The following ZMYM2 variants were observed in gnomAD, a reference collection of about 807,000 sequenced individuals.
ZMYM2 encodes zinc finger MYM-type containing 2, also known as zinc finger MYM-type protein 2.
Under a neutral mutation model 162.8 loss-of-function variants are expected in ZMYM2, and 56 were observed. That is an observed-to-expected ratio of 0.34 (90% confidence interval 0.28 to 0.43). ZMYM2 has a LOEUF of 0.43. Ranked by LOEUF, ZMYM2 falls within the 20% of genes least tolerant of loss-of-function variation. The pLI is 1.00. For synonymous variants in ZMYM2, 510 were observed against 541.6 expected, an observed-to-expected ratio of 0.94 and a Z score of 0.81; for missense variants, 1,275 against 1,621.8, an observed-to-expected ratio of 0.79 and a Z score of 3.67.
At chr13:19,918,475 T>C in the ZMYM2 span, among the ~76,000 whole-genome samples, 1 of 150,444 alleles carries the variant, frequency 6.6e-6, no homozygotes, top group Non-Finnish European at 1.5e-5. Context: ...AAAAATCCTT[T>C]CTTTTCTTTT....
chr13:20,034,000 TATC>T (rs750511945), intron 10 of ZMYM2, among the ~76,000 whole-genome samples: 12 of 152,328 alleles, frequency 7.9e-5, no homozygotes, highest in Non-Finnish European at 1.3e-4. Context: ...AACACCAGTC[TATC>T]ATCTTATTTA....
chr13:20,032,599 C>CTTTTTTTTTTTTTT (rs57294389), intron 10 of ZMYM2, among the ~76,000 whole-genome samples: 1 of 66,040 alleles, frequency 1.5e-5, no homozygotes, highest in Non-Finnish European at 2.9e-5. Flanking sequence ...TTTTTTCTGT[C>CTTTTTTTTTTTTTT]TTTTTTTTTT....
chr13:19,895,596 A>G, the ZMYM2 span, among the ~76,000 whole-genome samples: 1 of 151,754 alleles, frequency 6.6e-6, no homozygotes, highest in Non-Finnish European at 1.5e-5. Context: ...CCTTCCCATG[A>G]TAACCCGTTA....
Position 19,973,765 on chromosome 13 carries a change from C to T in ZMYM2, c.-11+13739C>T, listed in dbSNP as rs150581469. Reference sequence around the variant, plus strand: ...GGGCAAGCTTGTCCAATCCGCGGCCCGCAGGTCCCGTGCTGCCTAGGAGGT... The same window carrying T: ...GGGCAAGCTTGTCCAATCCGCGGCCTGCAGGTCCCGTGCTGCCTAGGAGGT... On this transcript the variant is annotated intron_variant, in intron 2 of 24. Transcript: ENST00000610343. Among the ~76,000 whole-genome samples the T allele has an allele frequency of 2.9e-3, 438 of 151,896 alleles. 2 individuals carry two copies. Among genetic ancestry groups the T allele is most frequent in the African/African-American group, 0.01 (426 of 41,432 alleles).
intron 2 of ZMYM2, among the ~76,000 whole-genome samples, chr13:19,986,202 CAAACAAACAAACA>C (rs1481982994): frequency 1.4e-5 from 2 of 146,204 alleles, no homozygotes; most frequent in Non-Finnish European, 3.1e-5. Flanking sequence ...CTCAAAAAAA[CAAACAAACAAACA>C]AAACAAACAA....
At chr13:19,992,567 C>T (rs1034821685) in intron 2 of ZMYM2, among the ~76,000 whole-genome samples, 1 of 151,774 alleles carries the variant, frequency 6.6e-6, no homozygotes, top group African/African-American at 2.4e-5. Context: ...CCTTCCCCAC[C>T]CCCCAAAAAA....
Position 20,085,830 on chromosome 13 carries a change from A to T in ZMYM2, c.3950A>T (p.Asn1317Ile), listed in dbSNP as rs750356436. ...TCCTCCCGCCTCCAAAGTCCACAGA[A>T]TCTTAATCAGAGGATGGATGTTTTT... ...FECYLSKSPQ[N>I]LNQRMDVFYL... Residue 1317 changes from asparagine to isoleucine, a missense_variant, in exon 25 of 25, where the codon AAT becomes ATT. Asn to Ile is a moderately radical substitution (Grantham distance 149). Coordinates refer to ENST00000610343, the MANE Select transcript of ZMYM2 (RefSeq NM_197968.4). 2.5e-6 allele frequency: 4 copies of T among 1,605,270 alleles called. No homozygotes were observed. The Admixed American group carries it at 6.9e-5, about 28-fold the overall frequency.
rs761893521 is a variant in ZMYM2, at chr13:20,051,534, T to C, written c.2394T>C (p.Arg798=). 4.6e-5 allele frequency: 74 copies of C among 1,613,502 alleles called. No individual in the cohort carries two copies. Among genetic ancestry groups the C allele is most frequent in the Non-Finnish European group, 4.0e-5 (47 of 1,179,634 alleles). ...TCTGTGATCAACATTGCTTACTGCGTTTCTACTGTCAACAAAATGAGCCCA... is the reference window on the plus strand; with the variant it reads ...TCTGTGATCAACATTGCTTACTGCGCTTCTACTGTCAACAAAATGAGCCCA... ...KHFCDQHCLL[R]FYCQQNEPNM... Residue 798 remains arginine (R), a synonymous_variant, in exon 13 of 25, where the codon CGT becomes CGC. Coordinates refer to ENST00000610343, the MANE Select transcript of ZMYM2 (RefSeq NM_197968.4).
the ZMYM2 span, among the ~76,000 whole-genome samples, chr13:19,870,573 T>TCCTTCCTTCCTTC: frequency 2.2e-5 from 3 of 136,400 alleles, no homozygotes; most frequent in African/African-American, 8.4e-5. Flanking sequence ...CTTCCTTCCT[T>TCCTTCCTTCCTTC]CTTTCCTTTC....
In ZMYM2 at chr13:20,083,012, T is replaced by C; in HGVS notation, c.3800T>C (p.Leu1267Ser). 6.2e-7 allele frequency: 1 copy of C among 1,612,716 alleles called. No individual in the cohort carries two copies. Among genetic ancestry groups the C allele is most frequent in the Non-Finnish European group, 8.5e-7 (1 of 1,179,144 alleles). ...TGTCTTCGATACCAAGTGTCTTCCT[T>C]GTGTGGAACAGATAATGAAGGTAGT... ...KACLRYQVSSLCGTDNEDKIT... is the reference protein window; with the variant it reads ...KACLRYQVSSSCGTDNEDKIT... Residue 1267 changes from leucine (L) to serine (S), a missense_variant, in exon 23 of 25, where the codon TTG (leucine) becomes TCG (serine). Leu to Ser is a moderately radical substitution (Grantham distance 145). This residue lies in a region of ZMYM2 where 103 missense variants were observed against 192.2 expected (regional missense o/e 0.54). Coordinates refer to ENST00000610343, the MANE Select transcript of ZMYM2 (RefSeq NM_197968.4).
chr13:20,046,683 G>GTA (rs1245673505), intron 12 of ZMYM2, among the ~76,000 whole-genome samples: 2 of 149,326 alleles, frequency 1.3e-5, no homozygotes, highest in East Asian at 2.0e-4. Context: ...GTGTATATAT[G>GTA]TATATATGTG....
chr13:19,874,389 T>C, the ZMYM2 span, among the ~76,000 whole-genome samples: 1 of 151,994 alleles, frequency 6.6e-6, no homozygotes, highest in African/African-American at 2.4e-5. Flanking sequence ...CCAGCTAATA[T>C]TTATTTATGT....
At chr13:19,884,189 G>A in the ZMYM2 span, among the ~76,000 whole-genome samples, 2 of 152,226 alleles carry the variant, frequency 1.3e-5, no homozygotes, top group East Asian at 1.9e-4. Flanking sequence ...AAACCATACC[G>A]AGATCCCCAG....
rs995385891 is a variant in ZMYM2 at position 20,075,328 on chromosome 13, G to A, written c.3454-6688G>A. Among the ~76,000 whole-genome samples, 4 of 152,174 alleles carry A rather than the reference G, an allele frequency of 2.6e-5. No homozygotes were observed. The East Asian group carries it at 7.7e-4, about 29-fold the overall frequency. On this transcript the variant is annotated intron_variant, in intron 21 of 24. Coordinates refer to ENST00000610343, the MANE Select transcript of ZMYM2 (RefSeq NM_197968.4). ...GTCTTATGAATGTATACTGAAGTAA[G>A]TAGTCACTTCTGTTTTGTACATTGA... is the stretch of plus-strand genomic sequence containing the variant.
the ZMYM2 span, among the ~76,000 whole-genome samples, chr13:19,894,799 A>G: frequency 1.3e-5 from 2 of 152,090 alleles, no homozygotes; most frequent in South Asian, 4.1e-4. Context: ...TAATTGTATT[A>G]AAAATTTTAG....
intron 12 of ZMYM2, among the ~76,000 whole-genome samples, chr13:20,037,644 G>A (rs1953852174): frequency 6.6e-6 from 1 of 151,988 alleles, no homozygotes; most frequent in Non-Finnish European, 1.5e-5. Flanking sequence ...TGAGTTTTGG[G>A]GGACTTTAAA....
At chr13:20,062,417 A>AC (rs1338881434) in intron 17 of ZMYM2, among the ~76,000 whole-genome samples, 1 of 152,220 alleles carries the variant, frequency 6.6e-6, no homozygotes, top group Non-Finnish European at 1.5e-5. Context: ...AACTGATCGA[A>AC]CCATTAAAAG....
the ZMYM2 span, among the ~76,000 whole-genome samples, chr13:19,951,381 G>A: frequency 8.6e-5 from 13 of 151,910 alleles, no homozygotes. Flanking sequence ...TAGGAAGAAA[G>A]CAACCTGATT....
intron 6 of ZMYM2, among the ~76,000 whole-genome samples, chr13:20,007,872 C>T (rs774506605): frequency 1.4e-4 from 22 of 152,038 alleles, no homozygotes; most frequent in Non-Finnish European, 2.2e-4. Context: ...CTCCGTGCCT[C>T]GGCCTCCCAA....
Sources: allele counts gnomAD v4.1 joint callset (sites outside exome capture counted in the v4.1 genomes callset), GRCh38; gene constraint gnomAD v4.1.1; regional missense constraint gnomAD v4.1.1; transcripts MANE v1.5; gene names NCBI Gene and HGNC (gene_info 2026-07-23, HGNC 2026-07-21).